AKT3: variants seen among roughly 807,000 people sequenced by gnomAD.
AKT3 encodes the protein RAC-gamma serine/threonine-protein kinase.
In AKT3, 15 loss-of-function variants were observed where a neutral mutation model predicts 65.3. That is an observed-to-expected ratio of 0.23 (90% confidence interval 0.15 to 0.35). AKT3 has a LOEUF of 0.35. AKT3 is among the 10% of genes least tolerant of loss of function. The pLI is 1.00. For missense variants in AKT3, 243 were observed against 576.5 expected, an observed-to-expected ratio of 0.42 and a Z score of 5.92; for synonymous variants, 206 against 183.8, an observed-to-expected ratio of 1.12 and a Z score of -0.98.
intron 4 of AKT3, 84 bp from the exon 5 acceptor site, chr1:243,646,121 C>G: frequency 8.5e-7 from 1 of 1,173,776 alleles, no homozygotes; most frequent in Non-Finnish European, 1.2e-6. Context: ...GAAATCAATA[C>G]AAATAAAATC....
rs569767314 is a variant in AKT3, at chr1:243,625,589, A to G, written c.562-10428T>C. ...AATTATGCTGAAAAAAACAGACAGT[A>G]TATCTATGGCCTTTGACCACCAGGA... On this transcript the variant is annotated intron_variant, in intron 6 of 13. Transcript: ENST00000673466. Among the ~76,000 whole-genome samples the G allele has an allele frequency of 9.8e-5, 15 of 152,310 alleles. No homozygotes were observed. In the South Asian group the frequency reaches 1.9e-3, roughly 19 times the overall value.
intron 4 of AKT3, among the ~76,000 whole-genome samples, chr1:243,663,650 G>T (rs1187967965): frequency 6.6e-6 from 1 of 152,050 alleles, no homozygotes; most frequent in Non-Finnish European, 1.5e-5. Context: ...TTACTCTACT[G>T]ATCAAAAGTG....
chr1:243,645,921 T>G lies in AKT3; in HGVS notation c.401A>C (p.Asp134Ala). The part of the protein sequence containing the change: ...QIDNIGEEEM[D>A]ASTTHHKRKT... ...TCTTTTATGATGGGTTGTAGAGGCA[T>G]CCATCTCTTCCTCTCCTATATTATC... The change falls in exon 5 of 14, where the codon GAT (aspartate) becomes GCT (alanine). Residue 134 changes from aspartate to alanine, a missense_variant. By Grantham distance (126) the Asp-to-Ala change is moderately radical. Coordinates refer to ENST00000673466, the MANE Select transcript of AKT3 (RefSeq NM_005465.7). 1 of 1,611,538 alleles carries G rather than the reference T, an allele frequency of 6.2e-7. No individual in the cohort carries two copies. The highest frequency in any genetic ancestry group is 8.5e-7 in the Non-Finnish European group (1 of 1,178,250).
chr1:243,641,964 G>A (rs1028355186), intron 5 of AKT3, among the ~76,000 whole-genome samples: 6 of 151,722 alleles, frequency 4.0e-5, no homozygotes, highest in African/African-American at 1.5e-4. Context: ...TAAGTAAATA[G>A]TAAAATTGCA....
chr1:243,512,290 A>C, intron 13 of AKT3, 34 bp downstream of exon 13: 1 of 1,172,340 alleles, frequency 8.5e-7, no homozygotes, highest in Non-Finnish European at 1.2e-6. Context: ...AAATTATATT[A>C]GAAATTTATC....
At chr1:243,582,384 C>T (rs962707535) in intron 8 of AKT3, among the ~76,000 whole-genome samples, 19 of 147,470 alleles carry the variant, frequency 1.3e-4, no homozygotes, top group Admixed American at 7.6e-4. Context: ...TCAGGCCAAC[C>T]GTCAACTTCT....
chr1:243,828,751 G>A (rs570380996), intron 2 of AKT3, among the ~76,000 whole-genome samples: 1 of 152,244 alleles, frequency 6.6e-6, no homozygotes, highest in East Asian at 1.9e-4. Flanking sequence ...GCTATTAGTA[G>A]TTAAGTTGTG....
At chr1:243,645,669 T>C (rs1680755339) in intron 5 of AKT3, among the ~76,000 whole-genome samples, 1 of 152,210 alleles carries the variant, frequency 6.6e-6, no homozygotes, top group Non-Finnish European at 1.5e-5. Context: ...CAGTCACACA[T>C]GAGCCCTATC....
chr1:243,592,634 T>G (rs186557210), intron 8 of AKT3, among the ~76,000 whole-genome samples: 1 of 151,984 alleles, frequency 6.6e-6, no homozygotes, highest in Non-Finnish European at 1.5e-5. Context: ...GAGAGGAAAA[T>G]AAAGCCATTA....
intron 2 of AKT3, among the ~76,000 whole-genome samples, chr1:243,736,167 A>G (rs1000031160): frequency 2.0e-5 from 3 of 152,228 alleles, no homozygotes; most frequent in African/African-American, 7.2e-5. Flanking sequence ...TGTAACCTGG[A>G]TAACAATCCC....
intron 2 of AKT3, among the ~76,000 whole-genome samples, chr1:243,743,346 T>C (rs966630643): frequency 6.6e-6 from 1 of 152,182 alleles, no homozygotes; most frequent in Non-Finnish European, 1.5e-5. Flanking sequence ...GGAGAAGACT[T>C]CCCTGGAAGG....
intron 9 of AKT3, among the ~76,000 whole-genome samples, chr1:243,566,700 TA>T (rs1178687475): frequency 2.6e-5 from 4 of 152,140 alleles, no homozygotes; most frequent in Non-Finnish European, 5.9e-5. Context: ...ATTTCATCTA[TA>T]AAACAAAAGT....
At chr1:243,515,403 C>A (rs1233889538) in intron 12 of AKT3, among the ~76,000 whole-genome samples, 3 of 148,184 alleles carry the variant, frequency 2.0e-5, no homozygotes, top group African/African-American at 5.0e-5. Flanking sequence ...AAAAAAAAAA[C>A]CCAATTCCTA....
chr1:243,508,655 CTTTTT>C (rs369887012), intron 13 of AKT3, among the ~76,000 whole-genome samples: 15 of 108,276 alleles, frequency 1.4e-4, no homozygotes, highest in East Asian at 1.0e-3. Context: ...AAAAGCCAGA[CTTTTT>C]TTTTTTTTTT....
At chr1:243,613,074 TATACACAC>T (rs1480723876) in intron 8 of AKT3, 12 of 118,902 alleles carry the variant, frequency 1.0e-4, no homozygotes, top group African/African-American at 3.1e-4. Flanking sequence ...TATATATATA[TATACACAC>T]ACACACACAC....
intron 12 of AKT3, among the ~76,000 whole-genome samples, chr1:243,528,781 A>G (rs1324720194): frequency 6.6e-6 from 1 of 152,202 alleles, no homozygotes; most frequent in Non-Finnish European, 1.5e-5. Flanking sequence ...TGTAATGAAC[A>G]TATGTGTGCA....
chr1:243,831,596 C>G (rs1423854795), intron 2 of AKT3, among the ~76,000 whole-genome samples: 9 of 152,116 alleles, frequency 5.9e-5, no homozygotes, highest in Admixed American at 5.2e-4. Flanking sequence ...GAAAGTTTCT[C>G]TATGTCAAAG....
chr1:243,534,259 G>T (rs983076322), intron 12 of AKT3, among the ~76,000 whole-genome samples: 1 of 152,128 alleles, frequency 6.6e-6, no homozygotes, highest in Admixed American at 6.6e-5. Context: ...GACAAAGTAG[G>T]GCAAGGAAAA....
rs192704367 is a variant in AKT3, at chr1:243,572,520, G to T, written c.819+406C>A. The stretch of plus-strand genomic sequence containing the variant: ...TAATAAATGGTTATTATATTAAAAT[G>T]CTTCAGGTATTTAAAACCACCCAAA... On this transcript the variant is annotated intron_variant, in intron 9 of 13. Coordinates refer to ENST00000673466, the MANE Select transcript of AKT3 (RefSeq NM_005465.7). Among the ~76,000 whole-genome samples, 739 of 152,274 alleles carry T rather than the reference G, an allele frequency of 4.9e-3. 5 individuals are homozygous for T. The highest frequency in any genetic ancestry group is 8.5e-3 in the Non-Finnish European group (578 of 68,010).
Sources: allele counts gnomAD v4.1 joint callset (sites outside exome capture counted in the v4.1 genomes callset), GRCh38; gene constraint gnomAD v4.1.1; transcripts MANE v1.5; gene names NCBI Gene and HGNC (gene_info 2026-07-23, HGNC 2026-07-21).